Variants in RRAS2 observed in about 807,000 individuals in gnomAD.
RRAS2 encodes RAS related 2.
RRAS2 carries 7 observed loss-of-function variants against 27.6 expected under a neutral mutation model. The observed-to-expected ratio is 0.25, with a 90% CI of 0.14 to 0.48. The LOEUF (loss-of-function observed/expected upper bound fraction) is 0.48. Ranked by LOEUF, RRAS2 falls within the 20% of genes least tolerant of loss-of-function variation. The pLI is 0.99. For missense variants in RRAS2, 178 were observed against 256.2 expected (o/e 0.69, Z 2.08); for synonymous variants, 86 against 90.9 (o/e 0.95, Z 0.31).
At position 14,358,075 on chromosome 11, in the gene RRAS2, G is replaced by A. The variant is rs782114052; in HGVS notation, c.108+688C>T. Among the ~76,000 whole-genome samples, 3 of 152,098 alleles carry A rather than the reference G, an allele frequency of 2.0e-5. No individual in the cohort carries two copies. The highest frequency in any genetic ancestry group is 4.4e-5 in the Non-Finnish European group (3 of 68,010). ...CCCATCCCAAACTTCACCTAGGCAC[G>A]GCGAGAAGCAGGACGGCATCAGGAA... On this transcript the variant is annotated intron_variant, in intron 1 of 5. Coordinates refer to ENST00000256196, the MANE Select transcript of RRAS2 (RefSeq NM_012250.6). The surrounding 1 kb of genome is among the most constrained non-coding windows in gnomAD (Gnocchi z 5.1).
In RRAS2 at chr11:14,302,596, G is replaced by T. The variant is rs534687379; in HGVS notation, c.109-6741C>A. On this transcript the variant is annotated intron_variant, in intron 1 of 5. Coordinates refer to ENST00000256196, the MANE Select transcript of RRAS2 (RefSeq NM_012250.6). ...CTTCAGATGTGGCAGCAAAGAAGTTGTAAGAGAAAAGGAAAAGCTTCCCAG... is the reference window on the plus strand; with the variant it reads ...CTTCAGATGTGGCAGCAAAGAAGTTTTAAGAGAAAAGGAAAAGCTTCCCAG... Among the ~76,000 whole-genome samples, 14 of 152,308 alleles carry T rather than the reference G, an allele frequency of 9.2e-5. No homozygotes were observed. The South Asian group carries it at 2.5e-3, about 27-fold the overall frequency.
At position 14,311,510 on chromosome 11, in the gene RRAS2, G is replaced by C. The variant is rs541249448; in HGVS notation, c.109-15655C>G. Among the ~76,000 whole-genome samples the C allele has an allele frequency of 1.3e-5, 2 of 152,156 alleles. 1 individual carries two copies. Among genetic ancestry groups the C allele is most frequent in the South Asian group, 4.2e-4 (2 of 4,806 alleles). On this transcript the variant is annotated intron_variant, in intron 1 of 5. Coordinates refer to ENST00000256196, the MANE Select transcript of RRAS2 (RefSeq NM_012250.6). ...GCCTCCCAAGTAGCTGGGATTACAG[G>C]CACGTGCCAACACGCCAAGCTAATT...
chr11:14,294,994 T>C (rs1185154679), intron 2 of RRAS2, 132 bp from the exon 3 acceptor site: 2 of 677,488 alleles, frequency 3.0e-6, no homozygotes, highest in East Asian at 2.7e-5. Flanking sequence ...ATTCCTTTCT[T>C]AGTACTTTAT....
intron 1 of RRAS2, among the ~76,000 whole-genome samples, chr11:14,322,164 C>T (rs148113622): frequency 4.0e-3 from 602 of 152,112 alleles, no homozygotes; most frequent in Admixed American, 0.01. Context: ...GGCACAGTGG[C>T]TCACACCTGT....
chr11:14,308,346 T>A (rs1451544532), intron 1 of RRAS2: 1 of 426,168 alleles, frequency 2.3e-6, no homozygotes, highest in Non-Finnish European at 4.6e-6. Context: ...AACTCTTTAG[T>A]AATAAAAGCT....
intron 1 of RRAS2, among the ~76,000 whole-genome samples, chr11:14,296,204 T>C (rs1281246147): frequency 6.6e-6 from 1 of 151,478 alleles, no homozygotes; most frequent in East Asian, 1.9e-4. Context: ...ATAAAATAAA[T>C]AGAATAAAAA....
At chr11:14,352,136 A>C (rs1385365623) in intron 1 of RRAS2, among the ~76,000 whole-genome samples, 3 of 152,218 alleles carry the variant, frequency 2.0e-5, no homozygotes, top group Non-Finnish European at 2.9e-5. Flanking sequence ...TCTACTGCTG[A>C]ATTTTACTTA....
At chr11:14,305,540 C>T (rs565917143) in intron 1 of RRAS2, among the ~76,000 whole-genome samples, 9 of 152,302 alleles carry the variant, frequency 5.9e-5, no homozygotes, top group African/African-American at 2.2e-4. Context: ...TCAGCCTGAC[C>T]TAACTCCCCA....
At chr11:14,313,367 T>C (rs1315777933) in intron 1 of RRAS2, among the ~76,000 whole-genome samples, 2 of 152,220 alleles carry the variant, frequency 1.3e-5, no homozygotes, top group East Asian at 1.9e-4. Context: ...GCATATAATA[T>C]AGGTCAGATT....
chr11:14,300,174 CAT>C (rs1847662603), intron 1 of RRAS2, among the ~76,000 whole-genome samples: 1 of 152,156 alleles, frequency 6.6e-6, no homozygotes, highest in Non-Finnish European at 1.5e-5. Context: ...GGAGAGAGCA[CAT>C]GTTTCCTGAT....
chr11:14,307,782 G>C (rs1199243139), intron 1 of RRAS2, among the ~76,000 whole-genome samples: 1 of 151,992 alleles, frequency 6.6e-6, no homozygotes, highest in African/African-American at 2.4e-5. Context: ...AAATAGAAAA[G>C]TAAAGTCGTT....
chr11:14,356,803 T>TG (rs201305458), intron 1 of RRAS2: 144 of 152,652 alleles, frequency 9.4e-4, no homozygotes, highest in Admixed American at 8.0e-3. Context: ...AATTAATGCT[T>TG]TTTTTTTTTT....
chr11:14,286,740 C>A (rs1181019904), intron 4 of RRAS2, among the ~76,000 whole-genome samples: 4 of 152,234 alleles, frequency 2.6e-5, no homozygotes, highest in Non-Finnish European at 4.4e-5. Flanking sequence ...TTCTACATAG[C>A]ACTGGTATAT....
chr11:14,357,116 A>T (rs901248160), intron 1 of RRAS2, among the ~76,000 whole-genome samples: 1 of 152,146 alleles, frequency 6.6e-6, no homozygotes, highest in Non-Finnish European at 1.5e-5. Flanking sequence ...GTTTAATACC[A>T]TTACTTCCCC....
chr11:14,341,414 C>T (rs1185634256), intron 1 of RRAS2, among the ~76,000 whole-genome samples: 1 of 152,054 alleles, frequency 6.6e-6, no homozygotes, highest in East Asian at 1.9e-4. Context: ...CCTGTAACTA[C>T]CAAGACAAAA....
chr11:14,280,502 TG>T (rs1339422798), intron 5 of RRAS2, among the ~76,000 whole-genome samples: 1 of 151,080 alleles, frequency 6.6e-6, no homozygotes, highest in East Asian at 1.9e-4. Flanking sequence ...CTGAGGCGGG[TG>T]GAACACGAGG....
chr11:14,360,877 C>G (rs1034775689), upstream of RRAS2, among the ~76,000 whole-genome samples: 1 of 147,522 alleles, frequency 6.8e-6, no homozygotes, highest in Non-Finnish European at 1.5e-5. Flanking sequence ...GCCAAGTTCA[C>G]GCCACTGCAC....
chr11:14,315,868 A>C (rs782438254), intron 1 of RRAS2, among the ~76,000 whole-genome samples: 10 of 152,226 alleles, frequency 6.6e-5, no homozygotes, highest in Admixed American at 1.3e-4. Flanking sequence ...AGTTTCTAGC[A>C]CTAAAATTAA....
intron 4 of RRAS2, among the ~76,000 whole-genome samples, chr11:14,287,871 CAA>C (rs34954723): frequency 1.8e-3 from 213 of 118,986 alleles, no homozygotes; most frequent in African/African-American, 5.5e-3. Context: ...GACTCTGTCT[CAA>C]AAAAAAAAAA....
Sources: allele counts gnomAD v4.1 joint callset (sites outside exome capture counted in the v4.1 genomes callset), GRCh38; gene constraint gnomAD v4.1.1; non-coding constraint Gnocchi (gnomAD v3.1); transcripts MANE v1.5; gene names NCBI Gene and HGNC (gene_info 2026-07-23, HGNC 2026-07-21).